Variants in SCUBE1 observed in about 807,000 individuals in gnomAD.
The protein encoded by SCUBE1 is signal peptide, CUB and EGF-like domain-containing protein 1.
A neutral mutation model predicts 124.4 loss-of-function variants in SCUBE1; 59 were observed. The ratio of observed to expected loss-of-function variants is 0.47; its 90% CI spans 0.38 to 0.59. SCUBE1 has a LOEUF of 0.59. Ranked by LOEUF, SCUBE1 falls within the 20% of genes least tolerant of loss-of-function variation. The probability of loss-of-function intolerance (pLI) is 0.00; values close to 1 mark genes in which losing one functional copy is unlikely to be tolerated. For missense variants in SCUBE1, 1,150 were observed against 1,371.2 expected, an observed-to-expected ratio of 0.84 and a Z score of 2.55; for synonymous variants, 545 against 550.9, an observed-to-expected ratio of 0.99 and a Z score of 0.15.
intron 3 of SCUBE1, among the ~76,000 whole-genome samples, chr22:43,298,276 T>C (rs1366188750): frequency 1.3e-5 from 2 of 152,206 alleles, no homozygotes; most frequent in East Asian, 1.9e-4. Flanking sequence ...GCAGGAGGTA[T>C]GCCTGGGGTC....
At chr22:43,296,728 G>A (rs1306018409) in intron 3 of SCUBE1, among the ~76,000 whole-genome samples, 3 of 152,192 alleles carry the variant, frequency 2.0e-5, no homozygotes, top group Non-Finnish European at 2.9e-5. Flanking sequence ...ATCTGTGATT[G>A]TGCCATCGAA....
chr22:43,207,748 C>T (rs951657616), intron 20 of SCUBE1, 135 bp from the exon 21 acceptor site: 1 of 742,700 alleles, frequency 1.3e-6, no homozygotes, highest in Non-Finnish European at 2.4e-6. Flanking sequence ...GCAGCTCTGC[C>T]TCTGTGCCTT....
intron 2 of SCUBE1, among the ~76,000 whole-genome samples, chr22:43,334,288 A>T (rs1474602504): frequency 3.3e-5 from 5 of 152,216 alleles, no homozygotes; most frequent in African/African-American, 1.2e-4. Flanking sequence ...AGTGTTTCTT[A>T]TTGTATGTTC....
At chr22:43,329,499 T>C (rs1214053864) in intron 2 of SCUBE1, among the ~76,000 whole-genome samples, 1 of 152,234 alleles carries the variant, frequency 6.6e-6, no homozygotes, top group Non-Finnish European at 1.5e-5. Flanking sequence ...CCGGTCTCCA[T>C]GGACACACTC....
chr22:43,210,967 T>C lies in SCUBE1; in HGVS notation c.2338A>G (p.Thr780Ala). The change falls in exon 18 of 22, where the codon ACC becomes GCC. Residue 780 changes from threonine (T) to alanine (A), a missense_variant. By Grantham distance (58) the Thr-to-Ala change is moderately conservative. This residue lies in a region of SCUBE1 where 757 missense variants were observed against 840.9 expected (regional missense o/e 0.90). Transcript: ENST00000360835. This position sits in a 1 kb window ranked among gnomAD's most constrained non-coding sequence, Gnocchi z 4.5. ...QNHCITCPGN[T>A]STDFDGSTNV... ...GTGGAGCCATCGAAGTCTGTGCTGG[T>C]GTTGCCCGGACAGGTGATGCAGTGG... The C allele has an allele frequency of 6.2e-7, 1 of 1,614,046 alleles. No individual in the cohort carries two copies. Among genetic ancestry groups the C allele is most frequent in the Non-Finnish European group, 8.5e-7 (1 of 1,179,988 alleles).
intron 2 of SCUBE1, among the ~76,000 whole-genome samples, chr22:43,328,802 A>G (rs1926811068): frequency 6.6e-6 from 1 of 151,800 alleles, no homozygotes; most frequent in Non-Finnish European, 1.5e-5. Flanking sequence ...AGCAGTGGCA[A>G]CTCCACACCA....
rs1451437565 is a variant in SCUBE1 at position 43,211,719 on chromosome 22, T to C, written c.2222-636A>G. Among the ~76,000 whole-genome samples, 1 of 152,102 alleles carries C rather than the reference T, an allele frequency of 6.6e-6. No homozygotes were observed. Among genetic ancestry groups the C allele is most frequent in the Non-Finnish European group, 1.5e-5 (1 of 67,998 alleles). ...ATTTTTTTTAAGTAGAGACAGGGTT[T>C]TGCCATGCTAGCCGGGCTGGCCTCA... On this transcript the variant is annotated intron_variant, in intron 17 of 21. Coordinates refer to ENST00000360835, the MANE Select transcript of SCUBE1 (RefSeq NM_173050.5). This position sits in a 1 kb window ranked among gnomAD's most constrained non-coding sequence, Gnocchi z 4.5.
At chr22:43,204,292 TA>T (rs1406771054) in intron 21 of SCUBE1, 143 bp from the exon 22 acceptor site, 2 of 657,970 alleles carry the variant, frequency 3.0e-6, no homozygotes, top group Non-Finnish European at 5.2e-6. Context: ...TTTAATAGTA[TA>T]ACTGGTTTTT....
rs533348998 is a variant in SCUBE1 at position 43,222,256 on chromosome 22, C to T, written c.1432+382G>A. Among the ~76,000 whole-genome samples the T allele has an allele frequency of 7.9e-5, 12 of 152,322 alleles. No homozygotes were observed. The South Asian group carries it at 2.5e-3, about 32-fold the overall frequency. ...GGGCTGGGACTGTGCTGCACCTCGG[C>T]GCTTCTTGGCATGCTCTGCACGGCC... On this transcript the variant is annotated intron_variant, in intron 12 of 21. Coordinates refer to ENST00000360835, the MANE Select transcript of SCUBE1 (RefSeq NM_173050.5).
intron 3 of SCUBE1, among the ~76,000 whole-genome samples, chr22:43,313,112 G>A (rs191289366): frequency 6.6e-6 from 1 of 152,310 alleles, no homozygotes; most frequent in Admixed American, 6.5e-5. Flanking sequence ...ACTGAGCACA[G>A]CATCCCGGGC....
chr22:43,219,412 C>T (rs899937929), intron 14 of SCUBE1, among the ~76,000 whole-genome samples: 1 of 152,154 alleles, frequency 6.6e-6, no homozygotes, highest in Non-Finnish European at 1.5e-5. Flanking sequence ...AGCCAATAAG[C>T]TCTTTTCCTG....
intron 7 of SCUBE1, 168 bp from the exon 8 acceptor site, chr22:43,232,043 T>G: frequency 9.1e-6 from 6 of 662,786 alleles, no homozygotes; most frequent in East Asian, 2.9e-5. Context: ...GTGGGGGCCC[T>G]GTCTCGCAGG....
chr22:43,201,510 C>T lies in SCUBE1; in HGVS notation c.*2487G>A, dbSNP rs547037956. 4 of 152,064 alleles carry T rather than the reference C, an allele frequency of 2.6e-5. No homozygotes were observed. Among genetic ancestry groups the T allele is most frequent in the Admixed American group, 6.5e-5 (1 of 15,282 alleles). 9.4% of individuals were successfully genotyped at this position (152,064 alleles called of 1,614,324 possible). A position where few individuals can be genotyped will look rare whatever the true frequency, so the allele number is the denominator to read the frequency against. On this transcript the variant is annotated 3_prime_UTR_variant, in exon 22 of 22. Transcript: ENST00000360835. ...TTGGCAGACTGAGTGAAGACATCCACTCCATCCAATCTGTTGAGGGCCCCA... is the reference window on the plus strand; with the variant it reads ...TTGGCAGACTGAGTGAAGACATCCATTCCATCCAATCTGTTGAGGGCCCCA...
chr22:43,198,907 TTGTC>T lies in SCUBE1; in HGVS notation c.*5086_*5089del, dbSNP rs1027033456. On this transcript the variant is annotated 3_prime_UTR_variant, in exon 22 of 22. Transcript: ENST00000360835. The stretch of plus-strand genomic sequence containing the variant: ...TTTGCTGTCTGCTTTCCGGGGCAGT[TTGTC>T]TGTCTGCTGTCTGGGGCAGTTTGTC... The T allele has an allele frequency of 1.1e-4, 42 of 374,648 alleles. No individual in the cohort carries two copies. Among genetic ancestry groups the T allele is most frequent in the African/African-American group, 8.0e-4 (38 of 47,250 alleles). 23.2% of individuals were successfully genotyped at this position (374,648 alleles called of 1,614,324 possible). A position where few individuals can be genotyped will look rare whatever the true frequency, so the allele number is the denominator to read the frequency against.
chr22:43,212,727 A>C, intron 16 of SCUBE1, 135 bp from the exon 17 acceptor site: 12 of 692,234 alleles, frequency 1.7e-5, no homozygotes, highest in East Asian at 3.3e-5. Context: ...TGGGGTGGGG[A>C]CGGGGTGGGG....
At chr22:43,218,184 C>G in intron 15 of SCUBE1, 71 bp downstream of exon 15, 1 of 1,493,722 alleles carries the variant, frequency 6.7e-7, no homozygotes, top group Admixed American at 1.7e-5. Flanking sequence ...GCGTGCCCAC[C>G]ACTGTTTACC....
At position 43,343,226 on chromosome 22, in the gene SCUBE1, C is replaced by A. The variant is rs1231361244; in HGVS notation, c.36G>T (p.Val12=). Residue 12 remains valine (V), a synonymous_variant, in exon 1 of 22, where the codon GTG becomes GTT. Transcript: ENST00000360835. ...GAAAVRWHLC[V]LLALGTRGRL... Reference sequence around the variant, plus strand: ...GCCCGCGTGTGCCCAGGGCCAGCAGCACGCACAAGTGCCAGCGCACGGCCG... The same window carrying A: ...GCCCGCGTGTGCCCAGGGCCAGCAGAACGCACAAGTGCCAGCGCACGGCCG... 1.6e-6 allele frequency: 2 copies of A among 1,213,616 alleles called. No individual in the cohort carries two copies. The highest frequency in any genetic ancestry group is 2.1e-6 in the Non-Finnish European group (2 of 969,040). The allele number at this position is 1,213,616 out of a possible 1,614,324, so 75.2% of individuals were successfully genotyped here. A position where few individuals can be genotyped will look rare whatever the true frequency, so the allele number is the denominator to read the frequency against.
intron 15 of SCUBE1, among the ~76,000 whole-genome samples, chr22:43,215,417 G>A (rs56661942): frequency 0.18 from 27,941 of 152,196 alleles, 4,044 homozygotes; most frequent in African/African-American, 0.4. Context: ...TAGTGAGCGT[G>A]GAACATGGAA....
At chr22:43,297,342 A>G (rs901278719) in intron 3 of SCUBE1, among the ~76,000 whole-genome samples, 1 of 152,180 alleles carries the variant, frequency 6.6e-6, no homozygotes, top group Non-Finnish European at 1.5e-5. Flanking sequence ...TCTGGCTGGA[A>G]CAGGACATGG....
Sources: allele counts gnomAD v4.1 joint callset (sites outside exome capture counted in the v4.1 genomes callset), GRCh38; gene constraint gnomAD v4.1.1; regional missense constraint gnomAD v4.1.1; non-coding constraint Gnocchi (gnomAD v3.1); transcripts MANE v1.5; gene names NCBI Gene and HGNC (gene_info 2026-07-23, HGNC 2026-07-21).